The following ZNF207 variants were observed in gnomAD, a reference collection of about 807,000 sequenced individuals.
ZNF207 encodes the protein zinc finger protein 207.
ZNF207 carries 24 observed loss-of-function variants against 60.2 expected under a neutral mutation model. The observed-to-expected ratio is 0.40, with a 90% confidence interval of 0.29 to 0.56. ZNF207 has a LOEUF of 0.56. Among genes scored for constraint, ZNF207 ranks in the 20% least tolerant of loss-of-function variants. The pLI, the probability that ZNF207 is intolerant of heterozygous loss-of-function variation, is 0.49. For synonymous variants in ZNF207, 236 were observed against 194.7 expected (o/e 1.21, Z -1.77); for missense variants, 452 against 636.6 (o/e 0.71, Z 3.12).
At position 32,357,627 on chromosome 17, in the gene ZNF207, G is replaced by A. The variant is rs376746769; in HGVS notation, c.169-876G>A. On this transcript the variant is annotated intron_variant, in intron 2 of 11. Coordinates refer to ENST00000394670, the MANE Select transcript of ZNF207 (RefSeq NM_001098507.2). ...CTCCCAAAGTGCTGGGATTACAGGC[G>A]TGAGCCGCCCCACCTGACTTTTTAT... Among the ~76,000 whole-genome samples, 8 of 151,322 alleles carry A rather than the reference G, an allele frequency of 5.3e-5. No homozygotes were observed. In the East Asian group the frequency reaches 7.9e-4, roughly 15 times the overall value.
At chr17:32,367,239 T>TATATATATA (rs1905206663) in intron 9 of ZNF207, among the ~76,000 whole-genome samples, 5 of 32,180 alleles carry the variant, frequency 1.6e-4, no homozygotes, top group African/African-American at 4.0e-4. Flanking sequence ...TTGGAGGGGA[T>TATATATATA]TATATATATA....
At chr17:32,361,917 T>C (rs1438351690) in intron 6 of ZNF207, among the ~76,000 whole-genome samples, 1 of 152,084 alleles carries the variant, frequency 6.6e-6, no homozygotes, top group Non-Finnish European at 1.5e-5. Flanking sequence ...CCCACAAAAA[T>C]TTAAAAAATT....
chr17:32,361,066 C>A, intron 5 of ZNF207, 99 bp downstream of exon 5: 1 of 1,306,966 alleles, frequency 7.7e-7, no homozygotes, highest in Non-Finnish European at 1.1e-6. Flanking sequence ...CCATTTTTTG[C>A]TTCTAGAAGG....
intron 7 of ZNF207, among the ~76,000 whole-genome samples, chr17:32,364,850 C>G (rs1323349808): frequency 2.6e-5 from 4 of 152,130 alleles, no homozygotes; most frequent in Admixed American, 1.3e-4. Context: ...AATTGATGTT[C>G]ATTTGAGAAT....
Position 32,360,730 on chromosome 17 carries a change from T to C in ZNF207, c.440T>C (p.Leu147Pro). Residue 147 changes from leucine to proline, a missense_variant, in exon 4 of 12, where the codon CTG (leucine) becomes CCG (proline). Physicochemically the swap from Leu to Pro is moderately conservative, Grantham distance 98 (BLOSUM62 -3). Around this residue, in one of 2 missense-constraint regions of ZNF207, gnomAD observed 390 missense variants for 461.4 expected, o/e 0.85. Transcript: ENST00000394670. ...ATTCCTCCAATGGCACAGCCAGGAC[T>C]GCCACCAGTACCAGGAGCACCAGGA... ...GYIPPMAQPG[L>P]PPVPGAPGMP... The C allele has an allele frequency of 6.2e-7, 1 of 1,614,098 alleles. No homozygotes were observed. Among genetic ancestry groups the C allele is most frequent in the Non-Finnish European group, 8.5e-7 (1 of 1,180,010 alleles).
At position 32,369,911 on chromosome 17, in the gene ZNF207, A is replaced by G; in HGVS notation, c.*152A>G. The G allele has an allele frequency of 3.4e-6, 3 of 877,422 alleles. No homozygotes were observed. Among genetic ancestry groups the G allele is most frequent in the Non-Finnish European group, 4.6e-6 (3 of 658,400 alleles). The allele number at this position is 877,422 out of a possible 1,614,324, so 54.4% of individuals were successfully genotyped here. ...AGGAACTATTGGACATTTATTTTAC[A>G]TGGGAAAAATTATTTGGAATAATAA... is the stretch of plus-strand genomic sequence containing the variant. On this transcript the variant is annotated 3_prime_UTR_variant, in exon 12 of 12. Coordinates refer to ENST00000394670, the MANE Select transcript of ZNF207 (RefSeq NM_001098507.2).
chr17:32,360,176 A>ACC (rs34129815), intron 3 of ZNF207, among the ~76,000 whole-genome samples: 1,274 of 58,918 alleles, frequency 0.022, 42 homozygotes, highest in Non-Finnish European at 0.027. Flanking sequence ...CCTCACCTTT[A>ACC]CCCCCCCCCC....
chr17:32,372,558 A>G lies in ZNF207; in HGVS notation c.*2799A>G, dbSNP rs2150805924. On this transcript the variant is annotated 3_prime_UTR_variant, in exon 12 of 12. Transcript: ENST00000394670. ...GGGATAGAATTCTAATTAAAAATTA[A>G]TTGAAAGTGTTAGGCATTGGCAGAT... is the stretch of plus-strand genomic sequence containing the variant. The G allele has an allele frequency of 6.6e-6, 1 of 152,222 alleles. No individual in the cohort carries two copies. The highest frequency in any genetic ancestry group is 2.4e-5 in the African/African-American group (1 of 41,558). 9.4% of individuals were successfully genotyped at this position (152,222 alleles called of 1,614,324 possible).
At chr17:32,358,148 T>G (rs1453144409) in intron 2 of ZNF207, among the ~76,000 whole-genome samples, 1 of 152,220 alleles carries the variant, frequency 6.6e-6, no homozygotes, top group Non-Finnish European at 1.5e-5. Flanking sequence ...CATCCCTGAT[T>G]TGGATAGGAC....
At chr17:32,354,161 G>A (rs1012444521) in intron 2 of ZNF207, among the ~76,000 whole-genome samples, 3 of 152,058 alleles carry the variant, frequency 2.0e-5, no homozygotes, top group Non-Finnish European at 4.4e-5. Flanking sequence ...TTTTATTTTT[G>A]TAGAGACAGG....
At chr17:32,356,952 T>G (rs913143465) in intron 2 of ZNF207, among the ~76,000 whole-genome samples, 13 of 152,112 alleles carry the variant, frequency 8.5e-5, no homozygotes, top group African/African-American at 3.1e-4. Context: ...GACACTGAGG[T>G]GGGTGGATCC....
At chr17:32,364,935 G>C (rs1489317975) in intron 7 of ZNF207, among the ~76,000 whole-genome samples, 1 of 152,162 alleles carries the variant, frequency 6.6e-6, no homozygotes, top group East Asian at 1.9e-4. Flanking sequence ...CTTTGGAAAA[G>C]TTTTTATTGT....
In ZNF207 at chr17:32,381,071, A is replaced by G. The variant is rs576041799; in HGVS notation, c.*11312A>G. ...GGTTAAAGTCAAGTGTTCAATTACT[A>G]CACCAGGAAAGATTGATTATTTCTG... is the stretch of plus-strand genomic sequence containing the variant. On this transcript the variant is annotated 3_prime_UTR_variant, in exon 12 of 12. Coordinates refer to ENST00000394670, the MANE Select transcript of ZNF207 (RefSeq NM_001098507.2). 6.6e-6 allele frequency: 1 copy of G among 152,256 alleles called. No homozygotes were observed. Among genetic ancestry groups the G allele is most frequent in the African/African-American group, 2.4e-5 (1 of 41,476 alleles). 9.4% of individuals were successfully genotyped at this position (152,256 alleles called of 1,614,324 possible).
chr17:32,362,156 GTA>G lies in ZNF207; in HGVS notation c.599+645_599+646del, dbSNP rs1491338844. On this transcript the variant is annotated intron_variant, in intron 6 of 11. Transcript: ENST00000394670. Reference sequence around the variant, plus strand: ...AGTGTGTGTGTGTGTGTGTGTGTGTGTATATGTATGTATTTGACACAGGGTCT... The same window carrying G: ...AGTGTGTGTGTGTGTGTGTGTGTGTGTATGTATGTATTTGACACAGGGTCT... Among the ~76,000 whole-genome samples the G allele has an allele frequency of 8.8e-3, 1,211 of 136,942 alleles. 16 individuals carry two copies. Among genetic ancestry groups the G allele is most frequent in the African/African-American group, 0.029 (1,083 of 36,732 alleles). 89.8% of individuals were successfully genotyped at this position (136,942 alleles called of 152,430 possible).
Position 32,351,673 on chromosome 17 carries a change from T to C in ZNF207, c.42-113T>C, listed in dbSNP as rs1015090401. ...TAATAAATATAAAAAGCAGAGTTTC[T>C]ATACAGTACCATTTTGGTTTTAGCT... On this transcript the variant is annotated intron_variant, in intron 1 of 11. Transcript: ENST00000394670. The C allele has an allele frequency of 2.5e-6, 4 of 1,599,816 alleles. No individual in the cohort carries two copies. The South Asian group carries it at 3.3e-5, about 13-fold the overall frequency.
intron 3 of ZNF207, among the ~76,000 whole-genome samples, chr17:32,360,329 C>T (rs985516347): frequency 5.3e-5 from 8 of 151,792 alleles, no homozygotes; most frequent in Admixed American, 2.0e-4. Flanking sequence ...CAGCCTGCAT[C>T]GCAGAGCAAG....
In ZNF207 at chr17:32,373,332, T is replaced by C; in HGVS notation, c.*3573T>C. The C allele has an allele frequency of 1.6e-6, 1 of 637,036 alleles. No individual in the cohort carries two copies. Among genetic ancestry groups the C allele is most frequent in the East Asian group, 2.7e-5 (1 of 36,554 alleles). The allele number at this position is 637,036 out of a possible 1,614,324, so 39.5% of individuals were successfully genotyped here. On this transcript the variant is annotated 3_prime_UTR_variant, in exon 12 of 12. Transcript: ENST00000394670. Reference sequence around the variant, plus strand: ...ATTGGGATTTTTAAAAAAAAAAATTTTAATGCATGTCTTTTAAATTAATTG... The same window carrying C: ...ATTGGGATTTTTAAAAAAAAAAATTCTAATGCATGTCTTTTAAATTAATTG...
At position 32,378,307 on chromosome 17, in the gene ZNF207, TTTAC is replaced by T. The variant is rs1435371205; in HGVS notation, c.*8552_*8555del. 1.3e-5 allele frequency: 2 copies of T among 152,044 alleles called. No homozygotes were observed. Among genetic ancestry groups the T allele is most frequent in the African/African-American group, 4.8e-5 (2 of 41,446 alleles). 9.4% of individuals were successfully genotyped at this position (152,044 alleles called of 1,614,324 possible). On this transcript the variant is annotated 3_prime_UTR_variant, in exon 12 of 12. Coordinates refer to ENST00000394670, the MANE Select transcript of ZNF207 (RefSeq NM_001098507.2). ...GTCCAGGGCTTTGGGTCCAGGGTCT[TTTAC>T]TTAAGCTATTTCATGGTGGTTCTCT...
intron 2 of ZNF207, among the ~76,000 whole-genome samples, chr17:32,352,292 C>CT (rs889397967): frequency 1.6e-4 from 25 of 152,072 alleles, no homozygotes; most frequent in African/African-American, 5.5e-4. Context: ...ATTTATTTCT[C>CT]TGACAACTGT....
Sources: gnomAD v4.1 joint callset for allele counts (sites outside exome capture counted in the v4.1 genomes callset) on GRCh38, gnomAD v4.1.1 for gene constraint, gnomAD v4.1.1 regional missense constraint, MANE v1.5 for transcripts, NCBI Gene and HGNC (gene_info 2026-07-23, HGNC 2026-07-21) for gene names.